The following MSRA variants were observed in gnomAD, a reference collection of about 807,000 sequenced individuals.
MSRA encodes methionine sulfoxide reductase A, also known as mitochondrial peptide methionine sulfoxide reductase.
Under a neutral mutation model 31.3 loss-of-function variants are expected in MSRA, and 54 were observed. The observed-to-expected ratio is 1.73, with a 90% CI of 1.39 to 2.17. MSRA has a LOEUF of 2.17. MSRA is among the 30% of genes most tolerant of loss of function. The pLI is 0.00. For synonymous variants in MSRA, 169 were observed against 116.5 expected, an observed-to-expected ratio of 1.45 and a Z score of -2.90; for missense variants, 507 against 300.9, an observed-to-expected ratio of 1.69 and a Z score of -5.07.
chr8:10,194,561 GA>G (rs1459160396), intron 1 of MSRA, among the ~76,000 whole-genome samples: 1 of 151,972 alleles, frequency 6.6e-6, no homozygotes, highest in East Asian at 1.9e-4. Context: ...ACAGAGTGAG[GA>G]AAAAAACCAA....
intron 1 of MSRA, among the ~76,000 whole-genome samples, chr8:10,157,328 C>G (rs1199421890): frequency 2.0e-5 from 3 of 152,202 alleles, no homozygotes; most frequent in African/African-American, 4.8e-5. Flanking sequence ...GCTTCTGCTT[C>G]CAGTTCTCTC....
intron 3 of MSRA, chr8:10,250,579 C>T: frequency 3.0e-6 from 2 of 668,624 alleles, no homozygotes; most frequent in South Asian, 1.6e-5. Context: ...CCAGACATTT[C>T]CTTATCAACA....
intron 4 of MSRA, among the ~76,000 whole-genome samples, chr8:10,307,835 G>A (rs944929408): frequency 6.6e-6 from 1 of 152,204 alleles, no homozygotes; most frequent in Non-Finnish European, 1.5e-5. Flanking sequence ...CACCTGTGTA[G>A]TTTAAGAATT....
At chr8:10,307,271 A>G (rs1039233502) in intron 4 of MSRA, among the ~76,000 whole-genome samples, 1 of 151,666 alleles carries the variant, frequency 6.6e-6, no homozygotes, top group Admixed American at 6.6e-5. Context: ...AGCTCAAGAC[A>G]TCCTCCCACC....
At chr8:10,404,103 T>A (rs1274806175) in intron 5 of MSRA, among the ~76,000 whole-genome samples, 1 of 152,114 alleles carries the variant, frequency 6.6e-6, no homozygotes, top group Non-Finnish European at 1.5e-5. Flanking sequence ...CTTCGGAAAA[T>A]GCTTCAAAGG....
chr8:10,410,231 C>A (rs532941636), intron 5 of MSRA, among the ~76,000 whole-genome samples: 2 of 152,278 alleles, frequency 1.3e-5, no homozygotes, highest in African/African-American at 4.8e-5. Flanking sequence ...GGCCAGGAGC[C>A]ACCAACACTC....
chr8:10,096,077 A>G, intron 1 of MSRA: 1 of 1,331,618 alleles, frequency 7.5e-7, no homozygotes, highest in Non-Finnish European at 9.9e-7. Context: ...TTTTATTTTT[A>G]GACATTTATA....
At chr8:10,172,328 G>C (rs908236796) in intron 1 of MSRA, among the ~76,000 whole-genome samples, 2 of 152,148 alleles carry the variant, frequency 1.3e-5, no homozygotes, top group Non-Finnish European at 2.9e-5. Context: ...GGGGTTGGAG[G>C]GGTGGCAAAA....
chr8:10,083,591 C>T (rs1277071634), intron 1 of MSRA, among the ~76,000 whole-genome samples: 7 of 152,120 alleles, frequency 4.6e-5, no homozygotes, highest in African/African-American at 1.7e-4. Flanking sequence ...TTAACAAAAC[C>T]TGAGTTAAGT....
chr8:10,345,646 A>C (rs1377203750), intron 5 of MSRA, among the ~76,000 whole-genome samples: 1 of 152,254 alleles, frequency 6.6e-6, no homozygotes. Flanking sequence ...CCAAAAACTT[A>C]TGAGATGCTA....
intron 1 of MSRA, among the ~76,000 whole-genome samples, chr8:10,076,757 C>T (rs1798013613): frequency 6.6e-6 from 1 of 152,070 alleles, no homozygotes; most frequent in Non-Finnish European, 1.5e-5. Flanking sequence ...TCCTAGTCTC[C>T]TGCCTTTCCG....
At chr8:10,399,913 C>G (rs372357439) in intron 5 of MSRA, among the ~76,000 whole-genome samples, 27 of 152,046 alleles carry the variant, frequency 1.8e-4, no homozygotes, top group African/African-American at 4.8e-4. Flanking sequence ...TGGAACTTGT[C>G]AGAAAGGGAG....
intron 2 of MSRA, among the ~76,000 whole-genome samples, chr8:10,228,959 A>G (rs1471734100): frequency 6.6e-6 from 1 of 152,130 alleles, no homozygotes; most frequent in African/African-American, 2.4e-5. Flanking sequence ...TTATTTACTC[A>G]CTGATCACAA....
intron 5 of MSRA, among the ~76,000 whole-genome samples, chr8:10,356,787 T>C (rs987900456): frequency 2.0e-5 from 3 of 151,690 alleles, no homozygotes; most frequent in African/African-American, 7.3e-5. Flanking sequence ...AATAAATTCG[T>C]GTTGTTCATA....
intron 4 of MSRA, among the ~76,000 whole-genome samples, chr8:10,319,320 A>G (rs1481135589): frequency 6.6e-6 from 1 of 152,096 alleles, no homozygotes; most frequent in Non-Finnish European, 1.5e-5. Context: ...ACTGACTATC[A>G]TCCACCCTTC....
intron 1 of MSRA, among the ~76,000 whole-genome samples, chr8:10,162,725 C>T (rs149617305): frequency 6.6e-6 from 1 of 152,268 alleles, no homozygotes; most frequent in Non-Finnish European, 1.5e-5. Context: ...CTTACTATAC[C>T]ATCTCATTTA....
chr8:10,326,790 A>T lies in MSRA; in HGVS notation c.543+6801A>T, dbSNP rs193158503. On this transcript the variant is annotated intron_variant, in intron 5 of 5. Coordinates refer to ENST00000317173, the MANE Select transcript of MSRA (RefSeq NM_012331.5). ...ATGTATTATTGTTTTTGGATTGTCA[A>T]ATATGGACAATTTATCTCCCAAGTG... Among the ~76,000 whole-genome samples, 11 of 152,304 alleles carry T rather than the reference A, an allele frequency of 7.2e-5. No homozygotes were observed. In the East Asian group the frequency reaches 2.1e-3, roughly 29 times the overall value.
intron 1 of MSRA, among the ~76,000 whole-genome samples, chr8:10,126,898 T>C (rs1352772633): frequency 6.6e-6 from 1 of 152,362 alleles, no homozygotes; most frequent in African/African-American, 2.4e-5. Flanking sequence ...GAGAATGCAA[T>C]GCTGCTACTG....
chr8:10,338,963 G>A (rs1426667691), intron 5 of MSRA, among the ~76,000 whole-genome samples: 1 of 152,226 alleles, frequency 6.6e-6, no homozygotes, highest in Non-Finnish European at 1.5e-5. Flanking sequence ...GTTGTGGGGA[G>A]CAAGTGCCAG....
Sources: allele counts gnomAD v4.1 joint callset (sites outside exome capture counted in the v4.1 genomes callset), GRCh38; gene constraint gnomAD v4.1.1; transcripts MANE v1.5; gene names NCBI Gene and HGNC (gene_info 2026-07-23, HGNC 2026-07-21).